NEGR1: variants seen among roughly 807,000 people sequenced by gnomAD.
The protein encoded by NEGR1 is neuronal growth regulator 1.
NEGR1 carries 10 observed loss-of-function variants against 40.9 expected under a neutral mutation model. The observed-to-expected ratio is 0.24, with a 90% CI of 0.15 to 0.42. NEGR1 has a LOEUF of 0.42. NEGR1 is among the 10% of genes least tolerant of loss of function. The pLI is 1.00. For missense variants in NEGR1, 352 were observed against 438.9 expected (o/e 0.80, Z 1.77); for synonymous variants, 185 against 166.8 (o/e 1.11, Z -0.84).
intron 1 of NEGR1, among the ~76,000 whole-genome samples, chr1:72,135,416 C>CAAAACCAAAAAAAAAAAAAAAAAAAA (rs1557544354): frequency 2.7e-5 from 1 of 37,328 alleles, no homozygotes; most frequent in African/African-American, 8.3e-5. Flanking sequence ...AAAAAAAAAA[C>CAAAACCAAAAAAAAAAAAAAAAAAAA]AAAACCAAAA....
At chr1:71,713,961 G>T (rs975240197) in intron 3 of NEGR1, among the ~76,000 whole-genome samples, 1 of 152,112 alleles carries the variant, frequency 6.6e-6, no homozygotes, top group South Asian at 2.1e-4. Flanking sequence ...CTCTGTTAGG[G>T]TCAGTTTTCT....
chr1:71,397,016 A>T lies in NEGR1; in HGVS notation c.*10430T>A, dbSNP rs935542423. On this transcript the variant is annotated 3_prime_UTR_variant, in exon 7 of 7. Transcript: ENST00000357731. Reference sequence around the variant, plus strand: ...GGAGGGCTCAGAAGAAGACAGGAAAATGTGGGAAAGTTTGGAACTTCCTAG... The same window carrying T: ...GGAGGGCTCAGAAGAAGACAGGAAATTGTGGGAAAGTTTGGAACTTCCTAG... 1.3e-5 allele frequency: 2 copies of T among 154,142 alleles called. No homozygotes were observed. The highest frequency in any genetic ancestry group is 6.5e-5 in the Admixed American group (1 of 15,326). 9.5% of individuals were successfully genotyped at this position (154,142 alleles called of 1,614,324 possible). A position where few individuals can be genotyped will look rare whatever the true frequency, so the allele number is the denominator to read the frequency against.
At chr1:72,036,332 A>G (rs952568726) in intron 1 of NEGR1, among the ~76,000 whole-genome samples, 3 of 152,094 alleles carry the variant, frequency 2.0e-5, no homozygotes, top group Non-Finnish European at 2.9e-5. Flanking sequence ...CTATAGTAGG[A>G]AAAAATGTGC....
intron 1 of NEGR1, among the ~76,000 whole-genome samples, chr1:72,061,314 T>C (rs1647168971): frequency 6.6e-6 from 1 of 151,794 alleles, no homozygotes; most frequent in Non-Finnish European, 1.5e-5. Flanking sequence ...ATCATCTGTT[T>C]CATTACCAGC....
chr1:72,165,115 A>C (rs1168950162), intron 1 of NEGR1, among the ~76,000 whole-genome samples: 1 of 152,060 alleles, frequency 6.6e-6, no homozygotes, highest in Non-Finnish European at 1.5e-5. Context: ...ATTTATCAGA[A>C]CAATATCTGT....
intron 4 of NEGR1, among the ~76,000 whole-genome samples, chr1:71,655,340 T>A (rs1651842840): frequency 6.6e-6 from 1 of 152,160 alleles, no homozygotes; most frequent in Admixed American, 6.5e-5. Context: ...TATGAAATAG[T>A]CAGGGATACC....
At chr1:72,266,726 C>CAT (rs57181677) in intron 1 of NEGR1, among the ~76,000 whole-genome samples, 202 of 121,984 alleles carry the variant, frequency 1.7e-3, no homozygotes, top group African/African-American at 7.7e-3. Flanking sequence ...GACAGATAAA[C>CAT]ACACACACAC....
chr1:72,134,423 C>A (rs1357097942), intron 1 of NEGR1, among the ~76,000 whole-genome samples: 2 of 151,870 alleles, frequency 1.3e-5, no homozygotes, highest in Admixed American at 1.3e-4. Flanking sequence ...CCAGGATGGT[C>A]TCGATCTCCT....
At chr1:71,721,171 AC>A (rs1291276652) in intron 3 of NEGR1, among the ~76,000 whole-genome samples, 1 of 152,042 alleles carries the variant, frequency 6.6e-6, no homozygotes, top group Non-Finnish European at 1.5e-5. Flanking sequence ...TTGGCCACCC[AC>A]CTACCCTGAA....
chr1:71,586,779 C>G (rs947978283), intron 6 of NEGR1, among the ~76,000 whole-genome samples: 3 of 152,114 alleles, frequency 2.0e-5, no homozygotes, highest in Non-Finnish European at 4.4e-5. Flanking sequence ...TACTACACTT[C>G]AGCAAATTTG....
At chr1:72,202,221 G>A (rs1653243345) in intron 1 of NEGR1, among the ~76,000 whole-genome samples, 1 of 151,882 alleles carries the variant, frequency 6.6e-6, no homozygotes, top group Non-Finnish European at 1.5e-5. Context: ...TAAATGATGT[G>A]TATGTTCTGC....
At chr1:71,728,724 A>C (rs1654757363) in intron 3 of NEGR1, among the ~76,000 whole-genome samples, 1 of 152,156 alleles carries the variant, frequency 6.6e-6, no homozygotes, top group Admixed American at 6.6e-5. Context: ...CAGAGTTTTT[A>C]GCACTAAATA....
Position 72,199,146 on chromosome 1 carries a change from C to CAGAGAGAGAGAG in NEGR1, c.176+83172_176+83173insCTCTCTCTCTCT, listed in dbSNP as rs1339899074. ...TACATTGGAGATCTATCTAGATAGA[C>CAGAGAGAGAGAG]AGACAGAGAGAGAGAGAGAGAGAGA... On this transcript the variant is annotated intron_variant, in intron 1 of 6. Coordinates refer to ENST00000357731, the MANE Select transcript of NEGR1 (RefSeq NM_173808.3). Among the ~76,000 whole-genome samples the CAGAGAGAGAGAG allele has an allele frequency of 4.0e-3, 554 of 139,074 alleles. 10 individuals are homozygous for CAGAGAGAGAGAG. The highest frequency in any genetic ancestry group is 0.015 in the African/African-American group (521 of 35,612). The allele number at this position is 139,074 out of a possible 152,430, so 91.2% of individuals were successfully genotyped here.
chr1:72,023,814 G>A (rs1382210890), intron 1 of NEGR1, among the ~76,000 whole-genome samples: 1 of 151,988 alleles, frequency 6.6e-6, no homozygotes, highest in Non-Finnish European at 1.5e-5. Flanking sequence ...AGGAGTATAA[G>A]GGACTAGTAA....
intron 1 of NEGR1, among the ~76,000 whole-genome samples, chr1:72,229,761 T>G (rs1177313292): frequency 2.0e-5 from 3 of 152,014 alleles, no homozygotes; most frequent in African/African-American, 7.2e-5. Context: ...TTAGATTCAC[T>G]CTCTGATTTC....
chr1:72,179,544 T>G (rs1570088243), intron 1 of NEGR1, among the ~76,000 whole-genome samples: 1 of 152,192 alleles, frequency 6.6e-6, no homozygotes, highest in Admixed American at 6.6e-5. Context: ...AAGTATTAAG[T>G]AATTATTTAG....
At chr1:71,618,312 T>G (rs1650508012) in intron 4 of NEGR1, among the ~76,000 whole-genome samples, 1 of 152,138 alleles carries the variant, frequency 6.6e-6, no homozygotes, top group African/African-American at 2.4e-5. Context: ...CAGAAAAGAC[T>G]CACTTACTTG....
chr1:71,715,630 C>T (rs1654247189), intron 3 of NEGR1, among the ~76,000 whole-genome samples: 1 of 152,172 alleles, frequency 6.6e-6, no homozygotes, highest in African/African-American at 2.4e-5. Flanking sequence ...TCATCTCTCT[C>T]AAGTTCAAAG....
At chr1:71,626,170 A>G (rs1300057099) in intron 4 of NEGR1, among the ~76,000 whole-genome samples, 1 of 151,942 alleles carries the variant, frequency 6.6e-6, no homozygotes, top group African/African-American at 2.4e-5. Context: ...GACTGCTGTG[A>G]TAAGGAACAG....
Sources: gnomAD v4.1 joint callset for allele counts (sites outside exome capture counted in the v4.1 genomes callset) on GRCh38, gnomAD v4.1.1 for gene constraint, MANE v1.5 for transcripts, NCBI Gene and HGNC (gene_info 2026-07-23, HGNC 2026-07-21) for gene names.